Variants in WDFY2 observed in about 807,000 individuals in gnomAD.
The protein encoded by WDFY2 is WD repeat and FYVE domain containing 2.
In WDFY2, 36 loss-of-function variants were observed where a neutral mutation model predicts 56.4. The ratio of observed to expected loss-of-function variants is 0.64; its 90% CI spans 0.49 to 0.84. WDFY2 has a LOEUF of 0.84. Ranked by LOEUF, WDFY2 falls within the 40% of genes least tolerant of loss-of-function variation. The pLI, the probability that WDFY2 is intolerant of heterozygous loss-of-function variation, is 0.00. For synonymous variants in WDFY2, 176 were observed against 183.7 expected, an observed-to-expected ratio of 0.96 and a Z score of 0.34; for missense variants, 444 against 512.2, an observed-to-expected ratio of 0.87 and a Z score of 1.29.
chr13:51,683,563 C>A (rs1332919555), intron 3 of WDFY2, among the ~76,000 whole-genome samples: 1 of 152,222 alleles, frequency 6.6e-6, no homozygotes, highest in Non-Finnish European at 1.5e-5. Context: ...ACCTTGACAA[C>A]AGCAGAGTCA....
rs1953546034 is a variant in WDFY2 at position 51,760,458 on chromosome 13, A to G, written c.*689A>G. 6.6e-6 allele frequency: 1 copy of G among 152,182 alleles called. No individual in the cohort carries two copies. The highest frequency in any genetic ancestry group is 1.5e-5 in the Non-Finnish European group (1 of 68,040). 9.4% of individuals were successfully genotyped at this position (152,182 alleles called of 1,614,324 possible). Reference sequence around the variant, plus strand: ...TGCCTCTGTCTTTCCCACATTAAAAAAAAAAATGCTGTGAGAAAGCTGCTC... The same window carrying G: ...TGCCTCTGTCTTTCCCACATTAAAAGAAAAAATGCTGTGAGAAAGCTGCTC... On this transcript the variant is annotated 3_prime_UTR_variant, in exon 12 of 12. Coordinates refer to ENST00000298125, the MANE Select transcript of WDFY2 (RefSeq NM_052950.4).
chr13:51,706,380 T>C (rs965664460), intron 4 of WDFY2, among the ~76,000 whole-genome samples: 1 of 152,170 alleles, frequency 6.6e-6, no homozygotes, highest in African/African-American at 2.4e-5. Context: ...TAGATACTTG[T>C]GTATGAACAT....
chr13:51,667,300 A>G (rs1955722133), intron 2 of WDFY2, among the ~76,000 whole-genome samples: 1 of 152,202 alleles, frequency 6.6e-6, no homozygotes, highest in Non-Finnish European at 1.5e-5. Context: ...ACAAGTTAAA[A>G]TTGGGGATTT....
At chr13:51,709,133 A>G (rs1347908055) in intron 4 of WDFY2, among the ~76,000 whole-genome samples, 1 of 152,248 alleles carries the variant, frequency 6.6e-6, no homozygotes, top group Non-Finnish European at 1.5e-5. Context: ...AGTACAGCAG[A>G]CTTGAACAAA....
intron 1 of WDFY2, among the ~76,000 whole-genome samples, chr13:51,621,256 G>A (rs1954720155): frequency 6.6e-6 from 1 of 152,180 alleles, no homozygotes; most frequent in Non-Finnish European, 1.5e-5. Context: ...TGTAATCCCA[G>A]CACTTTGGGA....
At chr13:51,744,101 ATAT>A (rs1425613975) in intron 7 of WDFY2, among the ~76,000 whole-genome samples, 1 of 152,150 alleles carries the variant, frequency 6.6e-6, no homozygotes, top group East Asian at 1.9e-4. Flanking sequence ...ATGACCCTAC[ATAT>A]TATTGTCTGG....
rs1219164314 is a variant in WDFY2 at position 51,697,659 on chromosome 13, C to T, written c.280-5937C>T. On this transcript the variant is annotated intron_variant, in intron 3 of 11. Transcript: ENST00000298125. Reference sequence around the variant, plus strand: ...AAAAAAAAAAAAAAATGAAATGTAACAGTTAAAGACTAATTAGGTAAAATT... The same window carrying T: ...AAAAAAAAAAAAAAATGAAATGTAATAGTTAAAGACTAATTAGGTAAAATT... 3.3e-5 allele frequency among the ~76,000 whole-genome samples: 5 copies of T among 150,782 alleles called. 1 individual carries two copies. Among genetic ancestry groups the T allele is most frequent in the Non-Finnish European group, 7.4e-5 (5 of 67,746 alleles).
chr13:51,712,952 A>G (rs1193174333), intron 4 of WDFY2, among the ~76,000 whole-genome samples: 1 of 152,206 alleles, frequency 6.6e-6, no homozygotes, highest in Admixed American at 6.5e-5. Flanking sequence ...ATAGTTCTGT[A>G]TCTACTAATG....
Position 51,758,182 on chromosome 13 carries a change from C to A in WDFY2, c.1065-10C>A, listed in dbSNP as rs141650653. On this transcript the variant is annotated splice_polypyrimidine_tract_variant and intron_variant, in intron 10 of 11. Transcript: ENST00000298125. Reference sequence around the variant, plus strand: ...CTTTTCCCCTCAGAAGCTTTCTTTGCTCCTTCTAGACGTGCACCCACAGCC... The same window carrying A: ...CTTTTCCCCTCAGAAGCTTTCTTTGATCCTTCTAGACGTGCACCCACAGCC... The A allele has an allele frequency of 1.1e-3, 1,652 of 1,540,822 alleles. 10 individuals are homozygous for A. The African/African-American group carries it at 0.018, about 17-fold the overall frequency.
At chr13:51,748,564 AAC>A in intron 7 of WDFY2, among the ~76,000 whole-genome samples, 1 of 152,332 alleles carries the variant, frequency 6.6e-6, no homozygotes, top group African/African-American at 2.4e-5. Context: ...CATAGATGAT[AAC>A]ACAATTTTAA....
intron 4 of WDFY2, among the ~76,000 whole-genome samples, chr13:51,706,402 C>T (rs569257732): frequency 2.6e-4 from 39 of 152,078 alleles, no homozygotes; most frequent in South Asian, 6.2e-4. Context: ...CACTTGGGGA[C>T]AAGAAATAAG....
In WDFY2 at chr13:51,758,099, G is replaced by A. The variant is rs1391594817; in HGVS notation, c.1065-93G>A. 2.8e-5 allele frequency: 26 copies of A among 930,912 alleles called. No homozygotes were observed. In the South Asian group the frequency reaches 2.9e-4, roughly 11 times the overall value. The allele number at this position is 930,912 out of a possible 1,614,324, so 57.7% of individuals were successfully genotyped here. On this transcript the variant is annotated intron_variant, in intron 10 of 11. Coordinates refer to ENST00000298125, the MANE Select transcript of WDFY2 (RefSeq NM_052950.4). Reference sequence around the variant, plus strand: ...CTGTCAGTGAAGCAGTTTTAGCCACGAGGCCAAAATTTAGAGCCTAATGTC... The same window carrying A: ...CTGTCAGTGAAGCAGTTTTAGCCACAAGGCCAAAATTTAGAGCCTAATGTC...
chr13:51,620,638 T>C (rs1954707657), intron 1 of WDFY2, among the ~76,000 whole-genome samples: 1 of 152,096 alleles, frequency 6.6e-6, no homozygotes, highest in Non-Finnish European at 1.5e-5. Flanking sequence ...TCTGGGTCTG[T>C]GTAAACAAAA....
At chr13:51,678,731 A>G (rs750823366) in intron 3 of WDFY2, among the ~76,000 whole-genome samples, 26 of 152,228 alleles carry the variant, frequency 1.7e-4, no homozygotes, top group South Asian at 8.3e-4. Flanking sequence ...GGTCTCAAAG[A>G]CTTTATAATT....
At chr13:51,711,312 G>A (rs1396525627) in intron 4 of WDFY2, among the ~76,000 whole-genome samples, 13 of 152,122 alleles carry the variant, frequency 8.5e-5, no homozygotes, top group African/African-American at 1.4e-4. Context: ...AGACTTAAAC[G>A]TTAGACCTAA....
intron 4 of WDFY2, among the ~76,000 whole-genome samples, chr13:51,705,783 A>G (rs1196443039): frequency 6.6e-6 from 1 of 152,112 alleles, no homozygotes; most frequent in Non-Finnish European, 1.5e-5. Context: ...TTTTAAAGCT[A>G]TATCTTCAGT....
intron 8 of WDFY2, chr13:51,751,641 T>C: frequency 1.9e-6 from 1 of 514,398 alleles, no homozygotes; most frequent in Non-Finnish European, 3.5e-6. Context: ...ACTAAGCTGT[T>C]TAAATCTGTT....
chr13:51,755,472 G>C lies in WDFY2; in HGVS notation c.933+13G>C, dbSNP rs1465574574. The C allele has an allele frequency of 1.2e-6, 2 of 1,608,562 alleles. No homozygotes were observed. The highest frequency in any genetic ancestry group is 1.7e-5 in the Admixed American group (1 of 60,020). On this transcript the variant is annotated intron_variant, in intron 9 of 11. Transcript: ENST00000298125. Reference sequence around the variant, plus strand: ...TGGTCTAAGACAGGTGAGTGATATGGATGCTTCATCAAAATGTAATTATAT... The same window carrying C: ...TGGTCTAAGACAGGTGAGTGATATGCATGCTTCATCAAAATGTAATTATAT...
intron 1 of WDFY2, among the ~76,000 whole-genome samples, chr13:51,636,619 A>C (rs1351688504): frequency 6.6e-6 from 1 of 152,222 alleles, no homozygotes; most frequent in Non-Finnish European, 1.5e-5. Flanking sequence ...ACAGCAGGGG[A>C]AAGAAAACAA....
Sources: allele counts gnomAD v4.1 joint callset (sites outside exome capture counted in the v4.1 genomes callset), GRCh38; gene constraint gnomAD v4.1.1; transcripts MANE v1.5; gene names NCBI Gene and HGNC (gene_info 2026-07-23, HGNC 2026-07-21).